Variants in CNTN5 observed in about 807,000 individuals in gnomAD.
CNTN5 encodes the protein contactin 5, also known as contactin-5.
Under a neutral mutation model 129.1 loss-of-function variants are expected in CNTN5, and 77 were observed. That is an observed-to-expected ratio of 0.60 (90% CI 0.50 to 0.72). CNTN5 has a LOEUF of 0.72. CNTN5 is among the 30% of genes least tolerant of loss of function. The probability of loss-of-function intolerance (pLI) is 0.00; values close to 1 mark genes in which losing one functional copy is unlikely to be tolerated. For synonymous variants in CNTN5, 509 were observed against 465.6 expected (o/e 1.09, Z -1.20); for missense variants, 1,478 against 1,328.8 (o/e 1.11, Z -1.75).
At chr11:99,460,609 A>C (rs1236197160) in intron 2 of CNTN5, among the ~76,000 whole-genome samples, 1 of 151,994 alleles carries the variant, frequency 6.6e-6, no homozygotes, top group Non-Finnish European at 1.5e-5. Context: ...GTAAAGTAAA[A>C]GACATCCTCT....
At chr11:99,082,490 G>A (rs1177043128) in intron 1 of CNTN5, among the ~76,000 whole-genome samples, 1 of 152,158 alleles carries the variant, frequency 6.6e-6, no homozygotes, top group East Asian at 1.9e-4. Context: ...GCCAAAAACA[G>A]ATATTTAAAA....
intron 1 of CNTN5, among the ~76,000 whole-genome samples, chr11:99,090,315 C>T (rs1298814475): frequency 6.6e-6 from 1 of 151,938 alleles, no homozygotes. Context: ...TATTATGGGC[C>T]TGTTGTGGCT....
intron 23 of CNTN5, among the ~76,000 whole-genome samples, chr11:100,347,439 A>G (rs999882950): frequency 2.0e-5 from 3 of 152,160 alleles, no homozygotes; most frequent in African/African-American, 4.8e-5. Flanking sequence ...AGATAGGTAC[A>G]TGAGGTTCAT....
intron 3 of CNTN5, among the ~76,000 whole-genome samples, chr11:99,779,687 T>C (rs1280765770): frequency 2.0e-5 from 3 of 152,038 alleles, no homozygotes; most frequent in Non-Finnish European, 2.9e-5. Context: ...AATTGAGGCA[T>C]TGAAAGAATA....
chr11:99,461,835 G>A (rs942861119), intron 2 of CNTN5, among the ~76,000 whole-genome samples: 1 of 151,936 alleles, frequency 6.6e-6, no homozygotes, highest in Admixed American at 6.6e-5. Context: ...TTAAAATGTA[G>A]AATTTAAAAT....
chr11:99,404,095 A>G (rs1941960205), intron 2 of CNTN5, among the ~76,000 whole-genome samples: 1 of 152,022 alleles, frequency 6.6e-6, no homozygotes, highest in Non-Finnish European at 1.5e-5. Flanking sequence ...TGATCCCTTA[A>G]TCATTATATA....
At chr11:99,848,574 A>G (rs1359067494) in intron 6 of CNTN5, among the ~76,000 whole-genome samples, 1 of 152,194 alleles carries the variant, frequency 6.6e-6, no homozygotes, top group Non-Finnish European at 1.5e-5. Context: ...TTTTAAAATC[A>G]GACTAAATTT....
chr11:99,040,337 A>T (rs1863939235), intron 1 of CNTN5, among the ~76,000 whole-genome samples: 1 of 152,176 alleles, frequency 6.6e-6, no homozygotes, highest in South Asian at 2.1e-4. Flanking sequence ...TAGCTTAAGT[A>T]AGTCACAGAG....
At chr11:99,260,260 A>G (rs539579390) in intron 1 of CNTN5, among the ~76,000 whole-genome samples, 5 of 151,830 alleles carry the variant, frequency 3.3e-5, no homozygotes, top group African/African-American at 7.2e-5. Flanking sequence ...CCTTAAATAT[A>G]TATATTTTAA....
At chr11:99,753,993 AAAAAAAT>A (rs1000215354) in intron 3 of CNTN5, among the ~76,000 whole-genome samples, 1 of 147,350 alleles carries the variant, frequency 6.8e-6, no homozygotes, top group African/African-American at 2.5e-5. Flanking sequence ...CTGCCAAAAA[AAAAAAAT>A]AAATAACAAC....
chr11:99,956,968 G>A lies in CNTN5; in HGVS notation c.836G>A (p.Arg279Lys). 1.2e-6 allele frequency: 2 copies of A among 1,613,832 alleles called. No homozygotes were observed. Among genetic ancestry groups the A allele is most frequent in the Non-Finnish European group, 1.7e-6 (2 of 1,179,818 alleles). Residue 279 changes from arginine to lysine, a missense_variant, in exon 8 of 25, where the codon AGA becomes AAA. By Grantham distance (26) the Arg-to-Lys change is conservative. Transcript: ENST00000524871. Reference sequence around the variant, plus strand: ...GTGAAAAACACAGTGACGAATGCTAGAGTCCTTAGTCCTCCAACGCCACTC... The same window carrying A: ...GTGAAAAACACAGTGACGAATGCTAAAGTCCTTAGTCCTCCAACGCCACTC... ...CLVKNTVTNA[R>K]VLSPPTPLTL...
At position 99,956,847 on chromosome 11, in the gene CNTN5, G is replaced by T. The variant is rs201326352; in HGVS notation, c.715G>T (p.Val239Leu). 6.2e-7 allele frequency: 1 copy of T among 1,613,874 alleles called. No individual in the cohort carries two copies. ...GGTATTTAATGAGTTCCCTTCCTTT[G>T]TGGCGGAAGACAGCCGGCGGTTCAT... ...SWVFNEFPSF[V>L]AEDSRRFISQ... Residue 239 changes from valine (V) to leucine (L), a missense_variant, in exon 8 of 25, where the codon GTG becomes TTG. Val to Leu is a conservative substitution (Grantham distance 32, BLOSUM62 1). Coordinates refer to ENST00000524871, the MANE Select transcript of CNTN5 (RefSeq NM_014361.4).
chr11:100,352,446 A>G (rs1381378216), intron 24 of CNTN5, among the ~76,000 whole-genome samples: 1 of 151,732 alleles, frequency 6.6e-6, no homozygotes, highest in Non-Finnish European at 1.5e-5. Flanking sequence ...AAGATGCATC[A>G]TATCTGCTAT....
intron 9 of CNTN5, among the ~76,000 whole-genome samples, chr11:100,016,059 TTA>T (rs1940804478): frequency 6.6e-6 from 1 of 152,146 alleles, no homozygotes; most frequent in African/African-American, 2.4e-5. Flanking sequence ...AAACTTTCTC[TTA>T]TGTCTCTGAT....
At chr11:99,772,262 A>G (rs1944972397) in intron 3 of CNTN5, among the ~76,000 whole-genome samples, 1 of 151,968 alleles carries the variant, frequency 6.6e-6, no homozygotes, top group South Asian at 2.1e-4. Flanking sequence ...AGATTAATAT[A>G]GTGTAGTCAA....
intron 13 of CNTN5, among the ~76,000 whole-genome samples, chr11:100,190,583 T>C (rs7945991): frequency 0.013 from 1,916 of 152,210 alleles, 51 homozygotes; most frequent in African/African-American, 0.043. Context: ...GTTTAGAAAG[T>C]GCAGTGCAAG....
chr11:100,124,538 A>C (rs532833048), intron 13 of CNTN5, among the ~76,000 whole-genome samples: 1 of 151,982 alleles, frequency 6.6e-6, no homozygotes, highest in Non-Finnish European at 1.5e-5. Flanking sequence ...GAGATACATG[A>C]CAAGACCCAG....
At position 99,844,859 on chromosome 11, in the gene CNTN5, G is replaced by T. The variant is rs1947631617; in HGVS notation, c.285G>T (p.Val95=). The change falls in exon 5 of 25, where the codon GTG becomes GTT. Residue 95 remains valine (V), a synonymous_variant. Transcript: ENST00000524871. ...SSDAFKQDES[V]DYGPVFVQEP... ...TCTGTTTTGTCTTTACAGAAAGTGT[G>T]GACTATGGGCCAGTTTTTGTGCAAG... The T allele has an allele frequency of 6.2e-7, 1 of 1,612,132 alleles. No homozygotes were observed. The highest frequency in any genetic ancestry group is 1.7e-5 in the Admixed American group (1 of 59,786).
intron 2 of CNTN5, among the ~76,000 whole-genome samples, chr11:99,352,923 A>G (rs1322815202): frequency 1.3e-5 from 2 of 152,116 alleles, no homozygotes; most frequent in Admixed American, 6.5e-5. Context: ...ATGCATAGAG[A>G]TGGCTGTCTG....
Sources: gnomAD v4.1 joint callset for allele counts (sites outside exome capture counted in the v4.1 genomes callset) on GRCh38, gnomAD v4.1.1 for gene constraint, MANE v1.5 for transcripts, NCBI Gene and HGNC (gene_info 2026-07-23, HGNC 2026-07-21) for gene names.